Variants in FER observed in about 807,000 individuals in gnomAD.
The protein encoded by FER is tyrosine-protein kinase Fer.
FER carries 63 observed loss-of-function variants against 111.0 expected under a neutral mutation model. That is an observed-to-expected ratio of 0.57 (90% confidence interval 0.46 to 0.70). FER has a LOEUF of 0.70. Among genes scored for constraint, FER ranks in the 30% least tolerant of loss-of-function variants. FER has a pLI of 0.00. For missense variants in FER, 914 were observed against 954.0 expected (o/e 0.96, Z 0.55); for synonymous variants, 327 against 313.9 (o/e 1.04, Z -0.44).
intron 17 of FER, among the ~76,000 whole-genome samples, chr5:109,120,937 T>C (rs1750884568): frequency 6.6e-6 from 1 of 152,156 alleles, no homozygotes; most frequent in South Asian, 2.1e-4. Flanking sequence ...TTTGTGTATG[T>C]TGATTTTGTA....
At chr5:108,964,970 TA>T (rs891632434) in intron 13 of FER, among the ~76,000 whole-genome samples, 1 of 152,174 alleles carries the variant, frequency 6.6e-6, no homozygotes, top group African/African-American at 2.4e-5. Context: ...TGAAAAGACA[TA>T]AGAGTGATCT....
At chr5:108,841,553 G>C (rs1761269248) in intron 5 of FER, among the ~76,000 whole-genome samples, 1 of 152,200 alleles carries the variant, frequency 6.6e-6, no homozygotes, top group Admixed American at 6.5e-5. Context: ...TTCAGGTACT[G>C]TTTGCCATGA....
At chr5:108,862,371 C>G (rs138764307) in intron 5 of FER, among the ~76,000 whole-genome samples, 12 of 152,196 alleles carry the variant, frequency 7.9e-5, no homozygotes, top group African/African-American at 2.9e-4. Context: ...TTTAGTGAAT[C>G]ATTTTACACC....
chr5:108,763,256 T>C (rs1392721210), intron 1 of FER, among the ~76,000 whole-genome samples: 1 of 152,218 alleles, frequency 6.6e-6, no homozygotes, highest in African/African-American at 2.4e-5. Context: ...TACCTTGCCA[T>C]ACTTTTATAT....
chr5:109,172,751 A>AT (rs1333698571), intron 17 of FER, among the ~76,000 whole-genome samples: 1 of 152,154 alleles, frequency 6.6e-6, no homozygotes, highest in Non-Finnish European at 1.5e-5. Context: ...CAGAATCTTT[A>AT]TTAAGAGGTT....
rs557522014 is a variant in FER, at chr5:109,072,931, C to T, written c.1924+25733C>T. ...TTTCTTAATTTGCAGGTATATCATT[C>T]AGTTTCTGTCTCTGCAATCACATAG... is the stretch of plus-strand genomic sequence containing the variant. On this transcript the variant is annotated intron_variant, in intron 16 of 19. Transcript: ENST00000281092. Among the ~76,000 whole-genome samples, 5 of 152,186 alleles carry T rather than the reference C, an allele frequency of 3.3e-5. No homozygotes were observed. The East Asian group carries it at 9.7e-4, about 29-fold the overall frequency.
intron 18 of FER, among the ~76,000 whole-genome samples, chr5:109,181,855 T>C (rs890631047): frequency 6.6e-6 from 1 of 152,198 alleles, no homozygotes; most frequent in Non-Finnish European, 1.5e-5. Flanking sequence ...TTTCAAAACA[T>C]TTTCATCACT....
chr5:109,082,747 C>T (rs1331468532), intron 16 of FER, among the ~76,000 whole-genome samples: 2 of 151,770 alleles, frequency 1.3e-5, no homozygotes, highest in Non-Finnish European at 1.5e-5. Context: ...AGAATGTCAA[C>T]AGTTTTATAT....
At chr5:109,057,845 G>A (rs918743087) in intron 16 of FER, among the ~76,000 whole-genome samples, 3 of 152,124 alleles carry the variant, frequency 2.0e-5, no homozygotes, top group Admixed American at 2.0e-4. Flanking sequence ...TGAAAAAGTT[G>A]AAATTGAAGA....
At chr5:108,839,784 A>C (rs530707755) in intron 5 of FER, among the ~76,000 whole-genome samples, 1 of 151,974 alleles carries the variant, frequency 6.6e-6, no homozygotes, top group African/African-American at 2.4e-5. Flanking sequence ...TCACTGTGTT[A>C]GCCAGGATGG....
intron 2 of FER, among the ~76,000 whole-genome samples, chr5:108,789,401 A>G (rs1755100932): frequency 6.6e-6 from 1 of 151,198 alleles, no homozygotes; most frequent in Non-Finnish European, 1.5e-5. Context: ...TGCCTTATAC[A>G]TCTCTATTTC....
At chr5:109,091,522 G>A (rs994661305) in intron 16 of FER, among the ~76,000 whole-genome samples, 1 of 152,188 alleles carries the variant, frequency 6.6e-6, no homozygotes, top group African/African-American at 2.4e-5. Flanking sequence ...CCACCACAGA[G>A]AGCCCCGACT....
intron 10 of FER, 137 bp downstream of exon 10, chr5:108,897,985 A>G (rs943143014): frequency 1.3e-6 from 1 of 781,182 alleles, no homozygotes. Context: ...TTGTTTGTAA[A>G]TGCAAAATAG....
intron 5 of FER, among the ~76,000 whole-genome samples, chr5:108,853,943 C>CTA: frequency 6.6e-6 from 1 of 152,244 alleles, no homozygotes; most frequent in East Asian, 1.9e-4. Context: ...TACTTCCAGG[C>CTA]TATTGCAGTA....
chr5:108,924,284 C>T (rs531043521), intron 10 of FER, among the ~76,000 whole-genome samples: 2 of 147,874 alleles, frequency 1.4e-5, no homozygotes, highest in South Asian at 2.1e-4. Context: ...CACTTGAACC[C>T]GGGAAGCAGA....
chr5:109,020,468 T>C (rs548432340), intron 13 of FER, among the ~76,000 whole-genome samples: 3 of 152,062 alleles, frequency 2.0e-5, no homozygotes, highest in Non-Finnish European at 4.4e-5. Flanking sequence ...TGTTATTTAA[T>C]AAAAAGAAAT....
chr5:109,177,132 C>T (rs1757787921), intron 17 of FER, among the ~76,000 whole-genome samples: 1 of 152,114 alleles, frequency 6.6e-6, no homozygotes, highest in Admixed American at 6.5e-5. Flanking sequence ...TAACGTAATT[C>T]ATGTATTTTT....
At chr5:109,051,629 G>A (rs2149927812) in intron 16 of FER, 2 of 1,591,950 alleles carry the variant, frequency 1.3e-6, no homozygotes, top group East Asian at 2.2e-5. Context: ...ATAGGCGAGA[G>A]GGGAGCAGTT....
chr5:108,967,698 T>C (rs991551415), intron 13 of FER, among the ~76,000 whole-genome samples: 5 of 140,594 alleles, frequency 3.6e-5, no homozygotes, highest in Non-Finnish European at 6.0e-5. Flanking sequence ...AGGTGGAGGC[T>C]GTAGTGAGCC....
Sources: gnomAD v4.1 joint callset for allele counts (sites outside exome capture counted in the v4.1 genomes callset) on GRCh38, gnomAD v4.1.1 for gene constraint, MANE v1.5 for transcripts, NCBI Gene and HGNC (gene_info 2026-07-23, HGNC 2026-07-21) for gene names.